ANKRD55: variants seen among roughly 807,000 people sequenced by gnomAD.
The protein encoded by ANKRD55 is ankyrin repeat domain 55, also known as ankyrin repeat domain-containing protein 55.
Under a neutral mutation model 60.6 loss-of-function variants are expected in ANKRD55, and 41 were observed. That is an observed-to-expected ratio of 0.68 (90% CI 0.53 to 0.88). The LOEUF (loss-of-function observed/expected upper bound fraction) is 0.88, where lower values mean the gene tolerates loss of function less well. Ranked by LOEUF, ANKRD55 falls within the 40% of genes least tolerant of loss-of-function variation. The probability of loss-of-function intolerance (pLI) is 0.00; values close to 1 mark genes in which losing one functional copy is unlikely to be tolerated. For missense variants in ANKRD55, 732 were observed against 767.6 expected (o/e 0.95, Z 0.55); for synonymous variants, 264 against 290.3 (o/e 0.91, Z 0.92).
At chr5:56,123,689 A>G (rs1394827207) in intron 8 of ANKRD55, among the ~76,000 whole-genome samples, 1 of 152,124 alleles carries the variant, frequency 6.6e-6, no homozygotes, top group Non-Finnish European at 1.5e-5. Flanking sequence ...ATACTCCTTC[A>G]TGACAATTAC....
chr5:56,218,636 C>G lies in ANKRD55; in HGVS notation c.58+14220G>C, dbSNP rs148887123. ...CTAACTTTTACATGCATTGGGAAACCAAAACTTTGTGTAACTCACTTTTTG... is the reference window on the plus strand; with the variant it reads ...CTAACTTTTACATGCATTGGGAAACGAAAACTTTGTGTAACTCACTTTTTG... On this transcript the variant is annotated intron_variant, in intron 2 of 11. Coordinates refer to ENST00000341048, the MANE Select transcript of ANKRD55 (RefSeq NM_024669.3). 9.3e-4 allele frequency among the ~76,000 whole-genome samples: 142 copies of G among 152,264 alleles called. 3 individuals carry two copies. The Middle Eastern group carries it at 0.027, about 29-fold the overall frequency.
At chr5:56,137,188 C>T in intron 7 of ANKRD55, 7 of 1,606,434 alleles carry the variant, frequency 4.4e-6, no homozygotes, top group Admixed American at 1.7e-5. Flanking sequence ...GGCAAGTGTG[C>T]CCAGGCCAAG....
intron 7 of ANKRD55, among the ~76,000 whole-genome samples, chr5:56,142,061 G>A (rs2111756572): frequency 6.6e-6 from 1 of 152,298 alleles, no homozygotes. Context: ...TGGGTGCAGT[G>A]GCTCACGTCT....
intron 4 of ANKRD55, among the ~76,000 whole-genome samples, chr5:56,173,541 C>CCTCTCT (rs71578616): frequency 9.6e-4 from 59 of 61,530 alleles, no homozygotes; most frequent in African/African-American, 2.9e-3. Flanking sequence ...TAGAGATTCG[C>CCTCTCT]CTCTCTCTCT....
chr5:56,186,530 G>C (rs758002406), intron 2 of ANKRD55, among the ~76,000 whole-genome samples: 1 of 152,110 alleles, frequency 6.6e-6, no homozygotes, highest in Non-Finnish European at 1.5e-5. Context: ...TAAGTTTGTT[G>C]TGAGGAAAAA....
intron 8 of ANKRD55, among the ~76,000 whole-genome samples, chr5:56,122,273 G>A (rs1027999795): frequency 4.6e-5 from 7 of 152,162 alleles, no homozygotes; most frequent in South Asian, 2.1e-4. Context: ...GCCTAAAGAC[G>A]ATTAGCCCTG....
At chr5:56,157,349 ATG>A (rs1364404179) in intron 6 of ANKRD55, among the ~76,000 whole-genome samples, 1 of 152,194 alleles carries the variant, frequency 6.6e-6, no homozygotes, top group African/African-American at 2.4e-5. Context: ...GTTTCTCCCC[ATG>A]TGATAGTCTG....
At chr5:56,122,012 C>G (rs1019361640) in intron 8 of ANKRD55, among the ~76,000 whole-genome samples, 2 of 152,100 alleles carry the variant, frequency 1.3e-5, no homozygotes, top group African/African-American at 4.8e-5. Context: ...TTAAGTGTGC[C>G]TAATGTACAG....
intron 7 of ANKRD55, among the ~76,000 whole-genome samples, chr5:56,138,135 T>C (rs1757661668): frequency 6.7e-6 from 1 of 149,896 alleles, no homozygotes; most frequent in African/African-American, 2.4e-5. Flanking sequence ...TTCTTTTTTT[T>C]TTTTTTTTTT....
At chr5:56,112,233 G>T (rs566820494) in intron 9 of ANKRD55, among the ~76,000 whole-genome samples, 158 of 152,096 alleles carry the variant, frequency 1.0e-3, no homozygotes, top group African/African-American at 3.6e-3. Context: ...TTGCTGAGGT[G>T]GGGGGAATGT....
chr5:56,196,027 C>A (rs980684357), intron 2 of ANKRD55, among the ~76,000 whole-genome samples: 2 of 152,170 alleles, frequency 1.3e-5, no homozygotes, highest in Non-Finnish European at 2.9e-5. Context: ...ATCCAAAAAC[C>A]TTAAGATTTG....
intron 2 of ANKRD55, among the ~76,000 whole-genome samples, chr5:56,213,064 G>A (rs538375515): frequency 1.6e-4 from 25 of 152,202 alleles, no homozygotes; most frequent in African/African-American, 4.8e-4. Context: ...AAACTTTATT[G>A]TGGGATATAA....
At chr5:56,232,713 A>G (rs1279636986) in intron 2 of ANKRD55, 143 bp downstream of exon 2, 2 of 732,074 alleles carry the variant, frequency 2.7e-6, no homozygotes, top group Non-Finnish European at 4.5e-6. Flanking sequence ...CACATCCTAC[A>G]TAGCAAATAC....
chr5:56,178,343 C>G (rs1042391634), intron 3 of ANKRD55, among the ~76,000 whole-genome samples: 1 of 151,982 alleles, frequency 6.6e-6, no homozygotes, highest in Non-Finnish European at 1.5e-5. Context: ...GCGTGAGCCA[C>G]TGCATCTGGC....
At chr5:56,206,528 A>G (rs905510473) in intron 2 of ANKRD55, among the ~76,000 whole-genome samples, 3 of 152,136 alleles carry the variant, frequency 2.0e-5, no homozygotes, top group Non-Finnish European at 4.4e-5. Context: ...TCCTTTACGG[A>G]GCCCCTGCAT....
chr5:56,184,701 C>T (rs1758928966), intron 2 of ANKRD55, among the ~76,000 whole-genome samples: 1 of 151,836 alleles, frequency 6.6e-6, no homozygotes, highest in East Asian at 1.9e-4. Context: ...AGTTCGAGAT[C>T]AGCCTGGGCA....
intron 2 of ANKRD55, among the ~76,000 whole-genome samples, chr5:56,221,134 G>A (rs953074262): frequency 2.6e-5 from 4 of 152,172 alleles, no homozygotes; most frequent in Non-Finnish European, 5.9e-5. Flanking sequence ...CTCAGCAACT[G>A]AGCCCAAATC....
intron 3 of ANKRD55, among the ~76,000 whole-genome samples, chr5:56,181,317 TAAGTA>T (rs1373898115): frequency 6.6e-6 from 1 of 152,222 alleles, no homozygotes; most frequent in African/African-American, 2.4e-5. Context: ...CTTTCACCGT[TAAGTA>T]AAACCTTAGC....
chr5:56,157,358 T>C (rs948218000), intron 6 of ANKRD55, among the ~76,000 whole-genome samples: 5 of 152,174 alleles, frequency 3.3e-5, no homozygotes, highest in Non-Finnish European at 7.3e-5. Context: ...CATGTGATAG[T>C]CTGAAATATG....
Sources: gnomAD v4.1 joint callset for allele counts (sites outside exome capture counted in the v4.1 genomes callset) on GRCh38, gnomAD v4.1.1 for gene constraint, MANE v1.5 for transcripts, NCBI Gene and HGNC (gene_info 2026-07-23, HGNC 2026-07-21) for gene names.